The following BRWD1 variants were observed in gnomAD, a reference collection of about 807,000 sequenced individuals.
BRWD1 encodes the protein bromodomain and WD repeat-containing protein 1.
BRWD1 carries 82 observed loss-of-function variants against 251.2 expected under a neutral mutation model. The ratio of observed to expected loss-of-function variants is 0.33; its 90% CI spans 0.27 to 0.39. BRWD1 has a LOEUF of 0.39. Among genes scored for constraint, BRWD1 ranks in the 10% least tolerant of loss-of-function variants. The probability of loss-of-function intolerance (pLI) is 1.00; values close to 1 mark genes in which losing one functional copy is unlikely to be tolerated. For synonymous variants in BRWD1, 918 were observed against 902.8 expected (o/e 1.02, Z -0.30); for missense variants, 2,233 against 2,711.6 (o/e 0.82, Z 3.92).
At chr21:39,319,007 G>A (rs2036724039) in intron 1 of BRWD1, among the ~76,000 whole-genome samples, 1 of 152,228 alleles carries the variant, frequency 6.6e-6, no homozygotes, top group African/African-American at 2.4e-5. Flanking sequence ...CTCCTGTCTT[G>A]GCCTTCCAAA....
intron 38 of BRWD1, among the ~76,000 whole-genome samples, chr21:39,202,083 G>C (rs976626271): frequency 2.0e-5 from 3 of 152,204 alleles, no homozygotes; most frequent in African/African-American, 7.2e-5. Context: ...TGCACACCAA[G>C]TGTGAAGAAT....
At chr21:39,317,639 C>A (rs974075510), upstream of BRWD1, among the ~76,000 whole-genome samples, 1 of 152,238 alleles carries the variant, frequency 6.6e-6, no homozygotes, top group Non-Finnish European at 1.5e-5. Flanking sequence ...AGGAGACTTA[C>A]ACAGGATTGC....
At chr21:39,240,618 T>G (rs547973603) in intron 21 of BRWD1, among the ~76,000 whole-genome samples, 12 of 152,186 alleles carry the variant, frequency 7.9e-5, no homozygotes, top group Non-Finnish European at 2.9e-5. Flanking sequence ...ACAACCTAAC[T>G]GCCCATAACC....
intron 33 of BRWD1, 46 bp downstream of exon 33, chr21:39,213,435 C>T: frequency 6.8e-7 from 1 of 1,472,372 alleles, no homozygotes; most frequent in Non-Finnish European, 9.4e-7. Flanking sequence ...TTAAAAATAC[C>T]ATTTGAAATT....
At chr21:39,214,091 G>T (rs1007644313) in intron 32 of BRWD1, among the ~76,000 whole-genome samples, 1 of 152,014 alleles carries the variant, frequency 6.6e-6, no homozygotes, top group Non-Finnish European at 1.5e-5. Flanking sequence ...TTCTGGGGAG[G>T]AGGTAACTTA....
intron 19 of BRWD1, among the ~76,000 whole-genome samples, chr21:39,253,454 A>C (rs575538053): frequency 6.6e-6 from 1 of 152,136 alleles, no homozygotes. Context: ...TTAAGAAACT[A>C]ATTTTTCAGG....
intron 1 of BRWD1, among the ~76,000 whole-genome samples, chr21:39,320,667 C>CTTTTT: frequency 1.0e-5 from 1 of 99,168 alleles, no homozygotes; most frequent in Non-Finnish European, 1.9e-5. Flanking sequence ...AGAGTCATAT[C>CTTTTT]TTTTTTTTTT....
In BRWD1 at chr21:39,189,780, A is replaced by C; in HGVS notation, c.*6479T>G. ...AAGAAAACTACAAACAGTTTTAGAA[A>C]TATATATAGGATATTTCAGGGTTAG... On this transcript the variant is annotated 3_prime_UTR_variant, in exon 41 of 41. Coordinates refer to ENST00000342449, the MANE Select transcript of BRWD1 (RefSeq NM_033656.4). 1 of 984,904 alleles carries C rather than the reference A, an allele frequency of 1.0e-6. No homozygotes were observed. The highest frequency in any genetic ancestry group is 1.2e-6 in the Non-Finnish European group (1 of 829,474). The allele number at this position is 984,904 out of a possible 1,614,324, so 61.0% of individuals were successfully genotyped here. A position where few individuals can be genotyped will look rare whatever the true frequency, so the allele number is the denominator to read the frequency against.
Position 39,189,144 on chromosome 21 carries a change from G to A in BRWD1, c.*7115C>T, listed in dbSNP as rs947925463. On this transcript the variant is annotated 3_prime_UTR_variant, in exon 41 of 41. Coordinates refer to ENST00000342449, the MANE Select transcript of BRWD1 (RefSeq NM_033656.4). ...TGCTAAAATGTAAATATGCTACAAA[G>A]GGTAAACAAAAATTTTAAAATATGC... The A allele has an allele frequency of 9.1e-6, 9 of 983,834 alleles. No homozygotes were observed. Among genetic ancestry groups the A allele is most frequent in the Non-Finnish European group, 9.7e-6 (8 of 828,644 alleles). The allele number at this position is 983,834 out of a possible 1,614,324, so 60.9% of individuals were successfully genotyped here. A position where few individuals can be genotyped will look rare whatever the true frequency, so the allele number is the denominator to read the frequency against.
chr21:39,196,536 C>T lies in BRWD1; in HGVS notation c.6533G>A (p.Arg2178Lys). 6.2e-7 allele frequency: 1 copy of T among 1,613,508 alleles called. No homozygotes were observed. The highest frequency in any genetic ancestry group is 8.5e-7 in the Non-Finnish European group (1 of 1,179,768). ...IDCTDNTKTK[R>K]RKTKGKAKVV... ...TTTTGCTTTTCCTTTCGTTTTCCTCCTTTTGGTTTTTGTATTATCAGTACA... is the reference window on the plus strand; with the variant it reads ...TTTTGCTTTTCCTTTCGTTTTCCTCTTTTTGGTTTTTGTATTATCAGTACA... The change falls in exon 41 of 41, where the codon AGG becomes AAG. Residue 2178 changes from arginine to lysine, a missense_variant. Around this residue, in one of 12 missense-constraint regions of BRWD1, gnomAD observed 928 missense variants for 970.0 expected, o/e 0.96. Coordinates refer to ENST00000342449, the MANE Select transcript of BRWD1 (RefSeq NM_033656.4).
intron 1 of BRWD1, among the ~76,000 whole-genome samples, chr21:39,320,819 C>A: frequency 6.6e-6 from 1 of 151,788 alleles, no homozygotes; most frequent in South Asian, 2.1e-4. Flanking sequence ...AGGTGCACAC[C>A]ACCACATCCA....
At position 39,215,261 on chromosome 21, in the gene BRWD1, G is replaced by A; in HGVS notation, c.3761C>T (p.Thr1254Ile). Reference protein sequence around the residue: ...SVIARSAKKITDQLLKFIKNQ... With the variant: ...SVIARSAKKIIDQLLKFIKNQ... ...CTTGATAAATTTTAAAAGTTGGTCA[G>A]TTATCTTTTTAGCTGATCTTGCAAT... Residue 1254 changes from threonine to isoleucine, a missense_variant, in exon 32 of 41, where the codon ACT becomes ATT. Transcript: ENST00000342449. The A allele has an allele frequency of 1.9e-6, 3 of 1,612,318 alleles. No individual in the cohort carries two copies. In the African/African-American group the frequency reaches 4.0e-5, roughly 22 times the overall value.
chr21:39,303,171 A>G (rs1027726463), intron 4 of BRWD1, among the ~76,000 whole-genome samples: 2 of 152,182 alleles, frequency 1.3e-5, no homozygotes, highest in African/African-American at 2.4e-5. Flanking sequence ...GGTAATGTAT[A>G]TTGAAACCTC....
intron 15 of BRWD1, among the ~76,000 whole-genome samples, chr21:39,268,841 A>G (rs2146667067): frequency 6.6e-6 from 1 of 152,178 alleles, no homozygotes; most frequent in African/African-American, 2.4e-5. Context: ...CAAAAAAATT[A>G]GCCAGGTTTG....
intron 37 of BRWD1, among the ~76,000 whole-genome samples, chr21:39,204,879 T>A (rs2032316087): frequency 6.6e-6 from 1 of 152,134 alleles, no homozygotes; most frequent in Non-Finnish European, 1.5e-5. Context: ...AGAACTCAGG[T>A]GGTAATGCTT....
At chr21:39,296,144 T>C (rs984092507) in intron 6 of BRWD1, 121 bp downstream of exon 6, 17 of 761,024 alleles carry the variant, frequency 2.2e-5, no homozygotes, top group African/African-American at 5.4e-5. Context: ...TTGATACTTA[T>C]TACTATTAAA....
At position 39,277,370 on chromosome 21, in the gene BRWD1, G is replaced by T. The variant is rs543827309; in HGVS notation, c.1004-19C>A. On this transcript the variant is annotated intron_variant, in intron 10 of 40. Transcript: ENST00000342449. ...ATACCACCTGAAATAAAAATGGTAA[G>T]GTTTAAACATCCAGTTTATAACAAA... 3 of 1,471,080 alleles carry T rather than the reference G, an allele frequency of 2.0e-6. No homozygotes were observed. Among genetic ancestry groups the T allele is most frequent in the Admixed American group, 4.0e-5 (2 of 50,532 alleles). 91.1% of individuals were successfully genotyped at this position (1,471,080 alleles called of 1,614,324 possible). A position where few individuals can be genotyped will look rare whatever the true frequency, so the allele number is the denominator to read the frequency against.
chr21:39,288,809 T>C (rs550124446), intron 8 of BRWD1, among the ~76,000 whole-genome samples: 2 of 152,332 alleles, frequency 1.3e-5, no homozygotes, highest in South Asian at 4.1e-4. Context: ...TCATCCTCAT[T>C]GTCTTCATGT....
At position 39,190,792 on chromosome 21, in the gene BRWD1, T is replaced by C; in HGVS notation, c.*5467A>G. ...GTTTTCTAGGGGGAGCTGGTAACACTGCAGTATGGCAGCATCAGGTCAAAA... is the reference window on the plus strand; with the variant it reads ...GTTTTCTAGGGGGAGCTGGTAACACCGCAGTATGGCAGCATCAGGTCAAAA... On this transcript the variant is annotated 3_prime_UTR_variant, in exon 41 of 41. Coordinates refer to ENST00000342449, the MANE Select transcript of BRWD1 (RefSeq NM_033656.4). 1.0e-6 allele frequency: 1 copy of C among 985,360 alleles called. No homozygotes were observed. The highest frequency in any genetic ancestry group is 1.2e-6 in the Non-Finnish European group (1 of 829,912). 61.0% of individuals were successfully genotyped at this position (985,360 alleles called of 1,614,324 possible).
Sources: allele counts gnomAD v4.1 joint callset (sites outside exome capture counted in the v4.1 genomes callset), GRCh38; gene constraint gnomAD v4.1.1; regional missense constraint gnomAD v4.1.1; transcripts MANE v1.5; gene names NCBI Gene and HGNC (gene_info 2026-07-23, HGNC 2026-07-21).